ARMH3: variants seen among roughly 807,000 people sequenced by gnomAD.
ARMH3 encodes the protein armadillo like helical domain containing 3.
A neutral mutation model predicts 99.1 loss-of-function variants in ARMH3; 60 were observed. The observed-to-expected ratio is 0.61, with a 90% CI of 0.49 to 0.75. The LOEUF is 0.75. Ranked by LOEUF, ARMH3 falls within the 30% of genes least tolerant of loss-of-function variation. The pLI, the probability that ARMH3 is intolerant of heterozygous loss-of-function variation, is 0.00. For synonymous variants in ARMH3, 285 were observed against 292.8 expected (o/e 0.97, Z 0.27); for missense variants, 679 against 843.1 (o/e 0.81, Z 2.41).
intron 19 of ARMH3, among the ~76,000 whole-genome samples, chr10:101,979,131 C>T (rs1413412882): frequency 6.6e-6 from 1 of 151,920 alleles, no homozygotes; most frequent in Admixed American, 6.6e-5. Flanking sequence ...AAGACCCTGT[C>T]TCTAGAAAAA....
intron 22 of ARMH3, among the ~76,000 whole-genome samples, chr10:101,944,849 T>C (rs1183938178): frequency 6.6e-6 from 1 of 151,736 alleles, no homozygotes; most frequent in Admixed American, 6.6e-5. Context: ...AACAAAGATA[T>C]TATGCACAGA....
intron 24 of ARMH3, among the ~76,000 whole-genome samples, chr10:101,880,686 T>C (rs1025826079): frequency 6.6e-6 from 1 of 152,126 alleles, no homozygotes; most frequent in African/African-American, 2.4e-5. Context: ...AAACATTTAC[T>C]AGTACGCCAA....
chr10:101,872,575 T>C (rs1294846088), intron 24 of ARMH3, among the ~76,000 whole-genome samples: 1 of 152,058 alleles, frequency 6.6e-6, no homozygotes, highest in Non-Finnish European at 1.5e-5. Flanking sequence ...CACGCACCTG[T>C]GGACCCAGCT....
chr10:101,878,335 G>GTT lies in ARMH3; in HGVS notation c.1860+11076_1860+11077insAA, dbSNP rs2067319729. On this transcript the variant is annotated intron_variant, in intron 24 of 25. Transcript: ENST00000370033. ...AACAGTATATTATCTACCAAAATAA[G>GTT]TAAGTAAAAATATTTTAGGTAAGGC... Among the ~76,000 whole-genome samples, 2 of 152,106 alleles carry GTT rather than the reference G, an allele frequency of 1.3e-5. 1 individual carries two copies. The highest frequency in any genetic ancestry group is 4.1e-4 in the South Asian group (2 of 4,826).
intron 20 of ARMH3, among the ~76,000 whole-genome samples, chr10:101,963,389 G>A (rs183975402): frequency 4.0e-5 from 6 of 151,866 alleles, no homozygotes; most frequent in South Asian, 2.1e-4. Flanking sequence ...CCTTGGACTC[G>A]GCCTCCCAAA....
intron 1 of ARMH3, among the ~76,000 whole-genome samples, chr10:102,054,173 G>A (rs1301288099): frequency 2.0e-5 from 3 of 151,966 alleles, no homozygotes; most frequent in Non-Finnish European, 4.4e-5. Context: ...GGTGGATCAC[G>A]AGGTCAGGAG....
Position 101,872,581 on chromosome 10 carries a change from C to G in ARMH3, c.1860+16831G>C, listed in dbSNP as rs141763399. 3.1e-3 allele frequency among the ~76,000 whole-genome samples: 466 copies of G among 152,194 alleles called. 1 individual carries two copies. The highest frequency in any genetic ancestry group is 0.012 in the South Asian group (57 of 4,822). On this transcript the variant is annotated intron_variant, in intron 24 of 25. Transcript: ENST00000370033. The stretch of plus-strand genomic sequence containing the variant: ...ACGTGGTGGCACGCACCTGTGGACC[C>G]AGCTAACTCAGGAGGCTGAAGCAGG...
At chr10:102,034,671 T>C (rs186533865) in intron 2 of ARMH3, among the ~76,000 whole-genome samples, 11 of 150,430 alleles carry the variant, frequency 7.3e-5, no homozygotes, top group Admixed American at 5.9e-4. Flanking sequence ...AGCCCTACTT[T>C]AAAGAAAGGG....
At chr10:102,046,290 G>GAGAAAGAA (rs774188810) in intron 1 of ARMH3, among the ~76,000 whole-genome samples, 7 of 148,058 alleles carry the variant, frequency 4.7e-5, no homozygotes, top group Non-Finnish European at 7.5e-5. Flanking sequence ...GAGGGAGAGA[G>GAGAAAGAA]AGAAAGAAAG....
intron 19 of ARMH3, among the ~76,000 whole-genome samples, chr10:101,980,914 A>G (rs1846199663): frequency 6.6e-6 from 1 of 152,200 alleles, no homozygotes; most frequent in Non-Finnish European, 1.5e-5. Context: ...TTGCAGCGAC[A>G]TGGATGAAGC....
At chr10:101,980,860 C>G (rs1028518101) in intron 19 of ARMH3, among the ~76,000 whole-genome samples, 22 of 152,188 alleles carry the variant, frequency 1.4e-4, no homozygotes, top group African/African-American at 5.3e-4. Context: ...ACATATACAC[C>G]ATGAAATACT....
intron 24 of ARMH3, among the ~76,000 whole-genome samples, chr10:101,885,318 C>T (rs553016738): frequency 1.2e-4 from 18 of 152,286 alleles, no homozygotes; most frequent in Admixed American, 1.2e-3. Context: ...GACTCCAACA[C>T]ATAGTTGTAA....
At chr10:102,029,590 G>T in intron 5 of ARMH3, 48 bp downstream of exon 5, 1 of 1,614,206 alleles carries the variant, frequency 6.2e-7, no homozygotes, top group Non-Finnish European at 8.5e-7. Flanking sequence ...TCCAGGAACA[G>T]CTGTCAGAAG....
chr10:102,009,503 C>T, intron 12 of ARMH3, 54 bp from the exon 13 acceptor site: 1 of 1,400,592 alleles, frequency 7.1e-7, no homozygotes, highest in Non-Finnish European at 1.0e-6. Flanking sequence ...GGAGTTAAAA[C>T]AGTATAACCA....
intron 23 of ARMH3, among the ~76,000 whole-genome samples, chr10:101,935,348 T>C (rs1047202708): frequency 2.0e-5 from 3 of 151,910 alleles, no homozygotes; most frequent in African/African-American, 7.3e-5. Flanking sequence ...AGGCAAATTG[T>C]TTAAATACAA....
Position 102,023,676 on chromosome 10 carries a change from T to A in ARMH3, c.581A>T (p.Gln194Leu). ...MINSIFEAIL[Q>L]ILSHPPSRRE... Reference sequence around the variant, plus strand: ...GAGAGGAGGTAACAAGGGACCTACCTGTAAAATTGCTTCAAATATGCTGTT... The same window carrying A: ...GAGAGGAGGTAACAAGGGACCTACCAGTAAAATTGCTTCAAATATGCTGTT... The change falls in exon 7 of 26, where the codon CAG becomes CTG. Residue 194 changes from glutamine to leucine, a missense_variant and splice_region_variant. By Grantham distance (113) the Gln-to-Leu change is moderately radical. Transcript: ENST00000370033. 1.2e-6 allele frequency: 2 copies of A among 1,613,798 alleles called. No homozygotes were observed. Among genetic ancestry groups the A allele is most frequent in the South Asian group, 1.1e-5 (1 of 91,076 alleles).
intron 23 of ARMH3, among the ~76,000 whole-genome samples, chr10:101,913,799 C>A (rs1178303249): frequency 6.6e-6 from 1 of 152,180 alleles, no homozygotes; most frequent in East Asian, 1.9e-4. Context: ...AGGGAGGGAA[C>A]ACTTCAGAAA....
rs778176289 is a variant in ARMH3 at position 102,001,937 on chromosome 10, G to A, written c.1150+34C>T. 16 of 1,591,240 alleles carry A rather than the reference G, an allele frequency of 1.0e-5. No homozygotes were observed. In the Admixed American group the frequency reaches 2.2e-4, roughly 22 times the overall value. On this transcript the variant is annotated intron_variant, in intron 15 of 25. Transcript: ENST00000370033. ...GATGCTAGCTGCCTGCCACACCTTT[G>A]ACTTCCTGAGCCCCCAAAATAGCTA...
chr10:101,916,787 A>G (rs1203170661), intron 23 of ARMH3, among the ~76,000 whole-genome samples: 1 of 152,202 alleles, frequency 6.6e-6, no homozygotes, highest in African/African-American at 2.4e-5. Flanking sequence ...GCCATCATCT[A>G]GTCTGTTGAA....
Sources: allele counts gnomAD v4.1 joint callset (sites outside exome capture counted in the v4.1 genomes callset), GRCh38; gene constraint gnomAD v4.1.1; transcripts MANE v1.5; gene names NCBI Gene and HGNC (gene_info 2026-07-23, HGNC 2026-07-21).